TBX3: variants seen among roughly 807,000 people sequenced by gnomAD.
TBX3 encodes the protein T-box transcription factor 3, also known as T-box transcription factor TBX3.
Under a neutral mutation model 47.8 loss-of-function variants are expected in TBX3, and 11 were observed. That is an observed-to-expected ratio of 0.23 (90% confidence interval 0.14 to 0.38). The LOEUF is 0.38. Among genes scored for constraint, TBX3 ranks in the 10% least tolerant of loss-of-function variants. TBX3 has a pLI of 1.00. For missense variants in TBX3, 927 were observed against 1,022.8 expected, an observed-to-expected ratio of 0.91 and a Z score of 1.28; for synonymous variants, 500 against 449.3, an observed-to-expected ratio of 1.11 and a Z score of -1.43.
rs1157661183 is a variant in TBX3, at chr12:114,680,712, T to C, written c.657+167A>G. ...TTCTTTTAGAACGCCAGGCCTTCCA[T>C]TATTTGGAGAGAAACACCCCGAATC... is the stretch of plus-strand genomic sequence containing the variant. On this transcript the variant is annotated intron_variant, in intron 2 of 6. Transcript: ENST00000349155. The C allele has an allele frequency of 5.9e-6, 6 of 1,008,710 alleles. No homozygotes were observed. In the East Asian group the frequency reaches 1.0e-4, roughly 17 times the overall value. 62.5% of individuals were successfully genotyped at this position (1,008,710 alleles called of 1,614,324 possible).
At position 114,671,901 on chromosome 12, in the gene TBX3, G is replaced by A; in HGVS notation, c.2112C>T (p.Ile704=). ...CTTCCAAGCCGCTAACCAACCGCTG[G>A]ATGCTCTGCAGTTCGCTGGTGGCCG... ...KEAATSELQS[I]QRLVSGLEAK... is the part of the protein sequence containing the mutation. The change falls in exon 7 of 7, where the codon ATC becomes ATT. Residue 704 remains isoleucine (I), a synonymous_variant. Coordinates refer to ENST00000349155, the MANE Select transcript of TBX3 (RefSeq NM_005996.4). 1 of 1,580,492 alleles carries A rather than the reference G, an allele frequency of 6.3e-7. No individual in the cohort carries two copies. Among genetic ancestry groups the A allele is most frequent in the Non-Finnish European group, 8.6e-7 (1 of 1,163,362 alleles).
Position 114,674,193 on chromosome 12 carries a change from T to C in TBX3, c.1682A>G (p.His561Arg). The C allele has an allele frequency of 6.3e-7, 1 of 1,582,982 alleles. No homozygotes were observed. The highest frequency in any genetic ancestry group is 2.3e-5 in the East Asian group (1 of 43,912). ...AGAGGCCAGGACGTGCTGCTGGAGG[T>C]GGAAGGGCAGGGTGGCCGCGGACGC... is the stretch of plus-strand genomic sequence containing the variant. ...SGASAATLPFHLQQHVLASQG... is the reference protein window; with the variant it reads ...SGASAATLPFRLQQHVLASQG... Residue 561 changes from histidine (H) to arginine (R), a missense_variant, in exon 6 of 7, where the codon CAC (histidine) becomes CGC (arginine). His to Arg is a conservative substitution (Grantham distance 29, BLOSUM62 0). Coordinates refer to ENST00000349155, the MANE Select transcript of TBX3 (RefSeq NM_005996.4).
Position 114,683,780 on chromosome 12 carries a change from C to A in TBX3, c.-580G>T. 4.7e-6 allele frequency: 1 copy of A among 214,544 alleles called. No homozygotes were observed. Among genetic ancestry groups the A allele is most frequent in the Non-Finnish European group, 9.0e-6 (1 of 111,220 alleles). The allele number at this position is 214,544 out of a possible 1,614,324, so 13.3% of individuals were successfully genotyped here. A position where few individuals can be genotyped will look rare whatever the true frequency, so the allele number is the denominator to read the frequency against. On this transcript the variant is annotated 5_prime_UTR_variant, in exon 1 of 7. Transcript: ENST00000349155. The surrounding 1 kb of genome is among the most constrained non-coding windows in gnomAD (Gnocchi z 7.7). ...CAGGGAGCGAGAGAGCGGAAAAAGT[C>A]TCTCTCCTTTAAAAAAAAAAAAATC...
chr12:114,674,533 C>T lies in TBX3; in HGVS notation c.1342G>A (p.Glu448Lys), dbSNP rs773055576. The T allele has an allele frequency of 6.5e-7, 1 of 1,531,884 alleles. No homozygotes were observed. Among genetic ancestry groups the T allele is most frequent in the Non-Finnish European group, 8.7e-7 (1 of 1,143,950 alleles). 94.9% of individuals were successfully genotyped at this position (1,531,884 alleles called of 1,614,324 possible). ...TTGCCCGGGAGCGCGCGCGCCTCTT[C>T]CACCTTGGCCGGCGCTGTGCCCTCG... ...VREGTAPAKV[E>K]EARALPGKEA... The change falls in exon 6 of 7, where the codon GAA becomes AAA. Residue 448 changes from glutamate to lysine, a missense_variant. Coordinates refer to ENST00000349155, the MANE Select transcript of TBX3 (RefSeq NM_005996.4).
At position 114,680,867 on chromosome 12, in the gene TBX3, AATG is replaced by A. The variant is rs766137141; in HGVS notation, c.657+9_657+11del. On this transcript the variant is annotated intron_variant, in intron 2 of 6. Coordinates refer to ENST00000349155, the MANE Select transcript of TBX3 (RefSeq NM_005996.4). ...AGGAGAAAATTTTACTGAAGAGAGC[AATG>A]AAACTTACAAATCCATGTTTGTCTG... 6.2e-6 allele frequency: 10 copies of A among 1,614,092 alleles called. No individual in the cohort carries two copies. The African/African-American group carries it at 1.3e-4, about 22-fold the overall frequency.
In TBX3 at chr12:114,674,677, C is replaced by G; in HGVS notation, c.1198G>C (p.Glu400Gln). The G allele has an allele frequency of 6.2e-7, 1 of 1,607,586 alleles. No individual in the cohort carries two copies. Among genetic ancestry groups the G allele is most frequent in the Non-Finnish European group, 8.5e-7 (1 of 1,179,174 alleles). Residue 400 changes from glutamate to glutamine, a missense_variant, in exon 6 of 7, where the codon GAG (glutamate) becomes CAG (glutamine). Transcript: ENST00000349155. ...PAVKAHLFAA[E>Q]RPRDSGRLDK... ...AGCCGCCCGCTGTCCCGGGGCCGCTCAGCAGCGAAAAGGTGAGCCTTGACC... is the reference window on the plus strand; with the variant it reads ...AGCCGCCCGCTGTCCCGGGGCCGCTGAGCAGCGAAAAGGTGAGCCTTGACC...
Position 114,683,022 on chromosome 12 carries a change from A to T in TBX3, c.179T>A (p.Leu60Gln). The stretch of plus-strand genomic sequence containing the variant: ...CAATTGATCCATGATCGGCTTGGCC[A>T]GGGCGCCCGGCAGCGAGAGCGCCGC... ...GAAALSLPGA[L>Q]AKPIMDQLVG... Residue 60 changes from leucine (L) to glutamine (Q), a missense_variant, in exon 1 of 7, where the codon CTG (leucine) becomes CAG (glutamine). By Grantham distance (113) the Leu-to-Gln change is moderately radical. This residue lies in a region of TBX3 where 216 missense variants were observed against 281.2 expected (regional missense o/e 0.77). Coordinates refer to ENST00000349155, the MANE Select transcript of TBX3 (RefSeq NM_005996.4). The surrounding 1 kb of genome is among the most constrained non-coding windows in gnomAD (Gnocchi z 7.7). The T allele has an allele frequency of 6.2e-7, 1 of 1,610,262 alleles. No homozygotes were observed. Among genetic ancestry groups the T allele is most frequent in the Non-Finnish European group, 8.5e-7 (1 of 1,177,544 alleles).
chr12:114,680,835 G>C, intron 2 of TBX3, 44 bp downstream of exon 2: 1 of 1,613,654 alleles, frequency 6.2e-7, no homozygotes, highest in Non-Finnish European at 8.5e-7. Context: ...CTTTGACTGA[G>C]TGAAGGAGGA....
chr12:114,680,990 C>T lies in TBX3; in HGVS notation c.546G>A (p.Lys182=), dbSNP rs777843375. 6 of 1,614,136 alleles carry T rather than the reference C, an allele frequency of 3.7e-6. No individual in the cohort carries two copies. The East Asian group carries it at 1.3e-4, about 36-fold the overall frequency. The change falls in exon 2 of 7, where the codon AAG becomes AAA. Residue 182 remains lysine (K), a synonymous_variant. Coordinates refer to ENST00000349155, the MANE Select transcript of TBX3 (RefSeq NM_005996.4). The part of the protein sequence containing the change: ...VAGKADPEMP[K]RMYIHPDSPA... ...GGCTGTCCGGGTGAATGTACATCCTCTTTGGCATTTCGGGGTCGGCCTTAC... is the reference window on the plus strand; with the variant it reads ...GGCTGTCCGGGTGAATGTACATCCTTTTTGGCATTTCGGGGTCGGCCTTAC...
At chr12:114,680,033 CCACT>C (rs2121150528) in intron 2 of TBX3, 2 of 1,569,452 alleles carry the variant, frequency 1.3e-6, no homozygotes, top group East Asian at 4.5e-5. Flanking sequence ...CTTTAAGCGC[CCACT>C]AATTGACGAG....
chr12:114,674,487 G>C lies in TBX3; in HGVS notation c.1388C>G (p.Thr463Arg). Residue 463 changes from threonine to arginine, a missense_variant, in exon 6 of 7, where the codon ACG becomes AGG. Thr to Arg is a moderately conservative substitution (Grantham distance 71). Around this residue, in one of 5 missense-constraint regions of TBX3, gnomAD observed 623 missense variants for 569.0 expected, o/e 1.09. Transcript: ENST00000349155. Reference sequence around the variant, plus strand: ...CGCGGCGGCCGCGTCCGTCTGCACCGTGAGCGGCGCGAAGGCCTCCTTGCC... The same window carrying C: ...CGCGGCGGCCGCGTCCGTCTGCACCCTGAGCGGCGCGAAGGCCTCCTTGCC... ...LPGKEAFAPL[T>R]VQTDAAAAHL... 2 of 1,527,042 alleles carry C rather than the reference G, an allele frequency of 1.3e-6. No homozygotes were observed. The highest frequency in any genetic ancestry group is 1.8e-6 in the Non-Finnish European group (2 of 1,139,092). The allele number at this position is 1,527,042 out of a possible 1,614,324, so 94.6% of individuals were successfully genotyped here. A position where few individuals can be genotyped will look rare whatever the true frequency, so the allele number is the denominator to read the frequency against.
intron 1 of TBX3, 37 bp downstream of exon 1, chr12:114,682,775 C>A (rs1258764376): frequency 9.3e-6 from 15 of 1,614,084 alleles, no homozygotes; most frequent in Non-Finnish European, 1.2e-5. Context: ...GGAAAAAACT[C>A]TCCAACAGCT....
chr12:114,676,579 G>GC, intron 4 of TBX3, 109 bp from the exon 5 acceptor site: 1 of 1,422,004 alleles, frequency 7.0e-7, no homozygotes, highest in South Asian at 1.2e-5. Flanking sequence ...CCTGCCTGCT[G>GC]CCCAGGGACA....
At chr12:114,676,195 G>T in intron 5 of TBX3, 118 bp downstream of exon 5, 1 of 1,339,726 alleles carries the variant, frequency 7.5e-7, no homozygotes, top group Non-Finnish European at 1.0e-6. Flanking sequence ...GTTTAAGGAT[G>T]TTTAGAAGGC....
chr12:114,680,079 C>A (rs1202340064), intron 2 of TBX3: 33 of 1,114,338 alleles, frequency 3.0e-5, no homozygotes, highest in Non-Finnish European at 4.3e-5. Context: ...AAAGGCTGAA[C>A]TCTAGAGAGG....
At chr12:114,675,363 G>A (rs1868659375) in intron 5 of TBX3, among the ~76,000 whole-genome samples, 1 of 152,172 alleles carries the variant, frequency 6.6e-6, no homozygotes, top group South Asian at 2.1e-4. Context: ...AATTGATAAT[G>A]GCAGAACGGA....
In TBX3 at chr12:114,679,499, G is replaced by A. The variant is rs1868839163; in HGVS notation, c.804+6C>T. On this transcript the variant is annotated splice_donor_region_variant and intron_variant, in intron 3 of 6. Transcript: ENST00000349155. ...ACCATTAAAAAGGAAAGCCCCTTGA[G>A]TTTACCTTATCATTCTGGTATGCAG... is the stretch of plus-strand genomic sequence containing the variant. The A allele has an allele frequency of 2.5e-6, 4 of 1,614,074 alleles. No individual in the cohort carries two copies. Among genetic ancestry groups the A allele is most frequent in the African/African-American group, 1.3e-5 (1 of 74,912 alleles).
In TBX3 at chr12:114,671,477, T is replaced by C; in HGVS notation, c.*364A>G. The C allele has an allele frequency of 6.0e-6, 2 of 332,860 alleles. No homozygotes were observed. The highest frequency in any genetic ancestry group is 4.6e-5 in the East Asian group (1 of 21,622). 20.6% of individuals were successfully genotyped at this position (332,860 alleles called of 1,614,324 possible). On this transcript the variant is annotated 3_prime_UTR_variant, in exon 7 of 7. Coordinates refer to ENST00000349155, the MANE Select transcript of TBX3 (RefSeq NM_005996.4). ...CACTTGACACAGTGAAGGAAAAATATATATATAAATCCGCACTGAGGGAGA... is the reference window on the plus strand; with the variant it reads ...CACTTGACACAGTGAAGGAAAAATACATATATAAATCCGCACTGAGGGAGA...
At chr12:114,677,726 C>T in intron 3 of TBX3, 70 bp from the exon 4 acceptor site, 1 of 1,437,490 alleles carries the variant, frequency 7.0e-7, no homozygotes, top group Non-Finnish European at 9.8e-7. Context: ...GGGTGTTTTT[C>T]CCAACTCAAC....
Sources: gnomAD v4.1 joint callset for allele counts (sites outside exome capture counted in the v4.1 genomes callset) on GRCh38, gnomAD v4.1.1 for gene constraint, gnomAD v4.1.1 regional missense constraint, Gnocchi (gnomAD v3.1) non-coding constraint, MANE v1.5 for transcripts, NCBI Gene and HGNC (gene_info 2026-07-23, HGNC 2026-07-21) for gene names.